TBL1XR1: variants seen among roughly 807,000 people sequenced by gnomAD.
TBL1XR1 encodes the protein TBL1X/Y related 1.
Under a neutral mutation model 66.9 loss-of-function variants are expected in TBL1XR1, and 5 were observed. The ratio of observed to expected loss-of-function variants is 0.07; its 90% CI spans 0.04 to 0.16. The LOEUF is 0.16. Among genes scored for constraint, TBL1XR1 ranks in the 10% least tolerant of loss-of-function variants. The pLI, the probability that TBL1XR1 is intolerant of heterozygous loss-of-function variation, is 1.00. For synonymous variants in TBL1XR1, 210 were observed against 206.0 expected, an observed-to-expected ratio of 1.02 and a Z score of -0.17; for missense variants, 238 against 623.2, an observed-to-expected ratio of 0.38 and a Z score of 6.58.
chr3:177,033,298 C>G (rs796497682), intron 13 of TBL1XR1, among the ~76,000 whole-genome samples, 162 bp from the exon 14 acceptor site: 69 of 152,162 alleles, frequency 4.5e-4, no homozygotes, highest in African/African-American at 1.4e-3. Context: ...ATCTTCAAGT[C>G]AGTGACAAGA....
intron 10 of TBL1XR1, among the ~76,000 whole-genome samples, chr3:177,042,654 TA>T (rs150105359): frequency 1.3e-5 from 2 of 151,786 alleles, no homozygotes; most frequent in South Asian, 2.1e-4. Context: ...ATATCTAACA[TA>T]AAAAAAAATT....
chr3:177,180,648 G>A (rs1734711848), intron 1 of TBL1XR1, among the ~76,000 whole-genome samples: 1 of 151,974 alleles, frequency 6.6e-6, no homozygotes, highest in Admixed American at 6.6e-5. Flanking sequence ...CCTCTACTTT[G>A]GAAGGTTCCA....
At chr3:177,164,744 T>C (rs1732625314) in intron 1 of TBL1XR1, among the ~76,000 whole-genome samples, 2 of 152,206 alleles carry the variant, frequency 1.3e-5, no homozygotes, top group South Asian at 4.1e-4. Flanking sequence ...TGTTAAAATG[T>C]CCATACTACC....
chr3:177,180,372 T>TCC (rs72342249), intron 1 of TBL1XR1, among the ~76,000 whole-genome samples: 23 of 131,884 alleles, frequency 1.7e-4, no homozygotes, highest in Non-Finnish European at 2.1e-4. Context: ...ATACGTTCAT[T>TCC]CCCCCCCCCC....
At chr3:177,040,055 G>A (rs931050219) in intron 10 of TBL1XR1, among the ~76,000 whole-genome samples, 1 of 152,170 alleles carries the variant, frequency 6.6e-6, no homozygotes, top group Non-Finnish European at 1.5e-5. Context: ...GAGCTGTGTG[G>A]CCAGGTGTGA....
chr3:177,187,773 A>C (rs980860771), intron 1 of TBL1XR1, among the ~76,000 whole-genome samples: 7 of 152,130 alleles, frequency 4.6e-5, no homozygotes, highest in African/African-American at 9.7e-5. Context: ...CAGGAAAAAA[A>C]GCACTTATTG....
At chr3:177,045,519 C>T (rs1716209483) in intron 10 of TBL1XR1, among the ~76,000 whole-genome samples, 1 of 152,040 alleles carries the variant, frequency 6.6e-6, no homozygotes, top group African/African-American at 2.4e-5. Flanking sequence ...TCTGATTAAT[C>T]AGATAAAAGT....
At chr3:177,037,736 T>G in intron 12 of TBL1XR1, 1 of 179,626 alleles carries the variant, frequency 5.6e-6, no homozygotes, top group Non-Finnish European at 1.2e-5. Flanking sequence ...TCTCAGCCTC[T>G]ATAATCACGT....
At chr3:177,062,151 A>G (rs1281321105) in intron 3 of TBL1XR1, among the ~76,000 whole-genome samples, 3 of 152,202 alleles carry the variant, frequency 2.0e-5, no homozygotes, top group Admixed American at 6.5e-5. Flanking sequence ...CTGACCCACA[A>G]ACACAAATAT....
intron 14 of TBL1XR1, among the ~76,000 whole-genome samples, chr3:177,029,052 A>G (rs1576966110): frequency 6.6e-6 from 1 of 152,110 alleles, no homozygotes; most frequent in African/African-American, 2.4e-5. Flanking sequence ...AAGGAATAAA[A>G]CTTAGATACT....
At chr3:177,071,822 C>T (rs1720054315) in intron 2 of TBL1XR1, among the ~76,000 whole-genome samples, 1 of 152,138 alleles carries the variant, frequency 6.6e-6, no homozygotes, top group South Asian at 2.1e-4. Flanking sequence ...AGGCTTCCAA[C>T]TTTTATTGAA....
intron 14 of TBL1XR1, among the ~76,000 whole-genome samples, chr3:177,029,770 A>G (rs967511218): frequency 6.6e-6 from 1 of 152,168 alleles, no homozygotes; most frequent in African/African-American, 2.4e-5. Flanking sequence ...AATGAACACT[A>G]ATCAGTACAG....
At chr3:177,165,251 G>A (rs909661750) in intron 1 of TBL1XR1, among the ~76,000 whole-genome samples, 1 of 152,122 alleles carries the variant, frequency 6.6e-6, no homozygotes, top group Non-Finnish European at 1.5e-5. Flanking sequence ...TTCCCAATTT[G>A]AAGTGAAAAA....
chr3:177,183,105 C>T (rs1735019091), intron 1 of TBL1XR1, among the ~76,000 whole-genome samples: 1 of 152,174 alleles, frequency 6.6e-6, no homozygotes, highest in South Asian at 2.1e-4. Flanking sequence ...AACCTAAAGA[C>T]ATTAGCACCA....
chr3:177,069,204 C>G (rs977123180), intron 2 of TBL1XR1, among the ~76,000 whole-genome samples: 1 of 152,056 alleles, frequency 6.6e-6, no homozygotes. Flanking sequence ...AGGAACCTTG[C>G]AAGCTACCTG....
intron 1 of TBL1XR1, among the ~76,000 whole-genome samples, chr3:177,179,520 T>C (rs993726842): frequency 2.6e-5 from 4 of 152,192 alleles, no homozygotes; most frequent in Non-Finnish European, 4.4e-5. Flanking sequence ...ATTTTGCAAA[T>C]ATGGGAACTG....
intron 1 of TBL1XR1, among the ~76,000 whole-genome samples, chr3:177,115,679 T>G (rs1020101768): frequency 6.6e-6 from 1 of 152,232 alleles, no homozygotes; most frequent in African/African-American, 2.4e-5. Flanking sequence ...ATCCCAAAAT[T>G]TATAATTGAA....
chr3:177,172,261 CAAAA>C (rs35087965), intron 1 of TBL1XR1, among the ~76,000 whole-genome samples: 10 of 100,328 alleles, frequency 1.0e-4, no homozygotes, highest in South Asian at 6.8e-4. Flanking sequence ...ACTCCCACCT[CAAAA>C]AAAAAAAAAA....
chr3:177,148,166 C>A (rs12486881), intron 1 of TBL1XR1, among the ~76,000 whole-genome samples: 1 of 151,920 alleles, frequency 6.6e-6, no homozygotes, highest in South Asian at 2.1e-4. Flanking sequence ...GAATATAACA[C>A]AAACTTTTTA....
Sources: allele counts gnomAD v4.1 joint callset (sites outside exome capture counted in the v4.1 genomes callset), GRCh38; gene constraint gnomAD v4.1.1; transcripts MANE v1.5; gene names NCBI Gene and HGNC (gene_info 2026-07-23, HGNC 2026-07-21).